Variants in SDAD1 observed in about 807,000 individuals in gnomAD.
SDAD1 encodes the protein protein SDA1 homolog.
SDAD1 carries 79 observed loss-of-function variants against 100.3 expected under a neutral mutation model. The observed-to-expected ratio is 0.79, with a 90% CI of 0.66 to 0.95. The LOEUF (loss-of-function observed/expected upper bound fraction) is 0.95. SDAD1 is among the 40% of genes least tolerant of loss of function. SDAD1 has a pLI of 0.00. For synonymous variants in SDAD1, 267 were observed against 271.4 expected, an observed-to-expected ratio of 0.98 and a Z score of 0.16; for missense variants, 790 against 810.9, an observed-to-expected ratio of 0.97 and a Z score of 0.31.
chr4:75,953,679 G>A (rs567872991), intron 21 of SDAD1, among the ~76,000 whole-genome samples: 5 of 152,308 alleles, frequency 3.3e-5, no homozygotes, highest in East Asian at 3.9e-4. Flanking sequence ...ACACAGCACT[G>A]CCCTAGAGGG....
intron 17 of SDAD1, 85 bp from the exon 18 acceptor site, chr4:75,958,026 A>G: frequency 1.9e-6 from 2 of 1,077,704 alleles, no homozygotes; most frequent in East Asian, 2.4e-5. Flanking sequence ...ACAGAAAAGT[A>G]ATGAACCTTG....
chr4:75,959,343 C>G (rs1357162086), intron 17 of SDAD1, among the ~76,000 whole-genome samples: 1 of 152,090 alleles, frequency 6.6e-6, no homozygotes, highest in Non-Finnish European at 1.5e-5. Context: ...CTGGCTCACG[C>G]CTGTAATCCC....
chr4:75,977,765 G>GGAA lies in SDAD1; in HGVS notation c.295-12_295-10dup. ...AAAGCTTTGCAAAATGTCTCGGGAA[G>GGAA]GAAAAAAACATACCATAAGACAATG... On this transcript the variant is annotated splice_polypyrimidine_tract_variant and intron_variant, in intron 3 of 21. Transcript: ENST00000356260. 6.5e-7 allele frequency: 1 copy of GGAA among 1,530,144 alleles called. No individual in the cohort carries two copies. Among genetic ancestry groups the GGAA allele is most frequent in the Non-Finnish European group, 9.0e-7 (1 of 1,109,458 alleles). The allele number at this position is 1,530,144 out of a possible 1,614,324, so 94.8% of individuals were successfully genotyped here. A position where few individuals can be genotyped will look rare whatever the true frequency, so the allele number is the denominator to read the frequency against.
intron 4 of SDAD1, among the ~76,000 whole-genome samples, 165 bp downstream of exon 4, chr4:75,977,481 T>C (rs764162369): frequency 7.9e-5 from 12 of 152,222 alleles, no homozygotes; most frequent in Admixed American, 3.3e-4. Flanking sequence ...GCACAAAGTA[T>C]GCACTCAATA....
chr4:75,990,219 A>G (rs992744992), intron 1 of SDAD1, among the ~76,000 whole-genome samples: 2 of 151,368 alleles, frequency 1.3e-5, no homozygotes, highest in African/African-American at 4.9e-5. Flanking sequence ...GTAAGTTTGA[A>G]TCCTGGCTTA....
intron 8 of SDAD1, 94 bp from the exon 9 acceptor site, chr4:75,971,552 CTT>C (rs1238294907): frequency 1.2e-6 from 1 of 863,156 alleles, no homozygotes; most frequent in Non-Finnish European, 1.9e-6. Flanking sequence ...TTCTTATACT[CTT>C]TGCACACAGC....
At chr4:75,952,192 T>C (rs1407239663) in intron 21 of SDAD1, among the ~76,000 whole-genome samples, 1 of 152,236 alleles carries the variant, frequency 6.6e-6, no homozygotes, top group East Asian at 1.9e-4. Flanking sequence ...TCTGCAAAAT[T>C]GGTTTAATCA....
rs774184966 is a variant in SDAD1 at position 75,990,647 on chromosome 4, G to A, written c.90+105C>T. On this transcript the variant is annotated intron_variant, in intron 1 of 21. Coordinates refer to ENST00000356260, the MANE Select transcript of SDAD1 (RefSeq NM_018115.4). ...GGAGGGACCCCTGAACCTAACAGAA[G>A]AATAGGCGGCGAGCCTGGATCCCAG... 17 of 1,601,122 alleles carry A rather than the reference G, an allele frequency of 1.1e-5. No homozygotes were observed. The South Asian group carries it at 1.2e-4, about 11-fold the overall frequency.
At chr4:75,963,620 ATGT>A (rs1289723686) in intron 14 of SDAD1, among the ~76,000 whole-genome samples, 2 of 152,100 alleles carry the variant, frequency 1.3e-5, no homozygotes, top group Non-Finnish European at 2.9e-5. Context: ...ATTAGGCCTA[ATGT>A]TGTTATCTTG....
In SDAD1 at chr4:75,957,398, AG is replaced by A; in HGVS notation, c.1780del (p.Leu594PhefsTer21). The A allele has an allele frequency of 6.2e-7, 1 of 1,614,142 alleles. No homozygotes were observed. Among genetic ancestry groups the A allele is most frequent in the Non-Finnish European group, 8.5e-7 (1 of 1,180,014 alleles). ...DSDEEPRGEL[L>X]SLRDIERLHK... The stretch of plus-strand genomic sequence containing the variant: ...AAGGCGTTCAATGTCCCGAAGAGAA[AG>A]TAATTCACCCCTGGGGTGAGGGAAA... On this transcript the variant is annotated frameshift_variant, in exon 20 of 22. Transcript: ENST00000356260. LOFTEE classifies it high-confidence loss of function.
At chr4:75,955,946 T>C (rs1356625506) in intron 21 of SDAD1, 29 bp downstream of exon 21, 4 of 1,575,980 alleles carry the variant, frequency 2.5e-6, no homozygotes, top group East Asian at 4.5e-5. Context: ...AGTGCTGTTC[T>C]TGCCACCCAA....
intron 17 of SDAD1, among the ~76,000 whole-genome samples, chr4:75,958,295 T>C (rs1050727061): frequency 3.9e-5 from 6 of 152,212 alleles, no homozygotes; most frequent in African/African-American, 1.4e-4. Flanking sequence ...TTTAGGGTCA[T>C]GTTCTTTCAA....
In SDAD1 at chr4:75,975,908, A is replaced by T. The variant is rs774334867; in HGVS notation, c.477+16T>A. ...TGGTACAATGCTGCAAACATGGAAG[A>T]CAGAAGAGTACTTACTACATTCACT... is the stretch of plus-strand genomic sequence containing the variant. On this transcript the variant is annotated intron_variant, in intron 5 of 21. Transcript: ENST00000356260. The T allele has an allele frequency of 6.2e-7, 1 of 1,600,004 alleles. No individual in the cohort carries two copies. The highest frequency in any genetic ancestry group is 8.6e-7 in the Non-Finnish European group (1 of 1,167,252).
chr4:75,985,631 G>A (rs2149332848), intron 1 of SDAD1, among the ~76,000 whole-genome samples: 1 of 152,066 alleles, frequency 6.6e-6, no homozygotes, highest in South Asian at 2.1e-4. Context: ...TGGTGATTTC[G>A]TATCCACATG....
intron 1 of SDAD1, 74 bp downstream of exon 1, chr4:75,990,678 C>T (rs764430949): frequency 1.2e-6 from 2 of 1,607,816 alleles, no homozygotes; most frequent in African/African-American, 1.3e-5. Flanking sequence ...CCCAGCCCCA[C>T]TCCATGCTTT....
chr4:75,971,503 G>T, intron 8 of SDAD1, 45 bp from the exon 9 acceptor site: 1 of 1,386,528 alleles, frequency 7.2e-7, no homozygotes, highest in Non-Finnish European at 1.0e-6. Context: ...AGGAAAATCT[G>T]CATAGAATGA....
At chr4:75,986,207 CT>C (rs1210179323) in intron 1 of SDAD1, among the ~76,000 whole-genome samples, 1 of 152,076 alleles carries the variant, frequency 6.6e-6, no homozygotes, top group East Asian at 1.9e-4. Flanking sequence ...CAGCATCAAA[CT>C]CCTGGGTTTA....
rs1381801828 is a variant in SDAD1 at position 75,970,387 on chromosome 4, G to C, written c.814-9C>G. ...TTCTTCTTTTTTTGTTTCTGAAAGG[G>C]AGAGGAAAAACATTTTCAGTCTGAG... On this transcript the variant is annotated splice_polypyrimidine_tract_variant and intron_variant, in intron 9 of 21. Coordinates refer to ENST00000356260, the MANE Select transcript of SDAD1 (RefSeq NM_018115.4). 10 of 1,607,140 alleles carry C rather than the reference G, an allele frequency of 6.2e-6. No individual in the cohort carries two copies. The highest frequency in any genetic ancestry group is 7.7e-6 in the Non-Finnish European group (9 of 1,174,086).
At chr4:75,956,856 T>C (rs1444039858) in intron 20 of SDAD1, among the ~76,000 whole-genome samples, 2 of 152,334 alleles carry the variant, frequency 1.3e-5, no homozygotes, top group East Asian at 3.9e-4. Context: ...ATGCCTATAC[T>C]CCCAGCACTT....
Sources: gnomAD v4.1 joint callset for allele counts (sites outside exome capture counted in the v4.1 genomes callset) on GRCh38, gnomAD v4.1.1 for gene constraint, MANE v1.5 for transcripts, NCBI Gene and HGNC (gene_info 2026-07-23, HGNC 2026-07-21) for gene names.